The following EXOC6 variants were observed in gnomAD, a reference collection of about 807,000 sequenced individuals.
EXOC6 encodes the protein exocyst complex component 6, also known as SEC15-like 1.
Under a neutral mutation model 112.5 loss-of-function variants are expected in EXOC6, and 60 were observed. The observed-to-expected ratio is 0.53, with a 90% confidence interval of 0.43 to 0.66. The LOEUF (loss-of-function observed/expected upper bound fraction) is 0.66, where lower values mean the gene tolerates loss of function less well. Ranked by LOEUF, EXOC6 falls within the 30% of genes least tolerant of loss-of-function variation. The pLI is 0.00. For synonymous variants in EXOC6, 295 were observed against 308.0 expected (o/e 0.96, Z 0.44); for missense variants, 855 against 957.1 (o/e 0.89, Z 1.41).
intron 1 of EXOC6, among the ~76,000 whole-genome samples, chr10:92,861,562 T>A (rs1483886557): frequency 5.3e-5 from 8 of 152,090 alleles, no homozygotes. Context: ...GCAACACAGT[T>A]GGGGCAGGTG....
intron 1 of EXOC6, among the ~76,000 whole-genome samples, chr10:92,861,629 AAG>A (rs1412330512): frequency 3.3e-5 from 5 of 152,118 alleles, no homozygotes; most frequent in Non-Finnish European, 4.4e-5. Flanking sequence ...CCTGGCAGGA[AAG>A]AGAGCCCTGC....
At chr10:92,972,898 A>T (rs1842356740) in intron 17 of EXOC6, among the ~76,000 whole-genome samples, 1 of 152,164 alleles carries the variant, frequency 6.6e-6, no homozygotes, top group Non-Finnish European at 1.5e-5. Flanking sequence ...AGCCCTATGT[A>T]TGTATGTGGC....
At chr10:93,054,662 G>A (rs1338222793) in intron 20 of EXOC6, among the ~76,000 whole-genome samples, 1 of 152,228 alleles carries the variant, frequency 6.6e-6, no homozygotes, top group African/African-American at 2.4e-5. Context: ...CACAGTTGGA[G>A]TTGGTGCGGG....
At chr10:92,955,510 A>G in intron 16 of EXOC6, 70 bp from the exon 17 acceptor site, 1 of 1,274,072 alleles carries the variant, frequency 7.8e-7, no homozygotes, top group Non-Finnish European at 1.1e-6. Flanking sequence ...TAATAATCCC[A>G]TTTTTAAAAA....
intron 20 of EXOC6, among the ~76,000 whole-genome samples, chr10:93,016,873 C>T (rs902664799): frequency 1.1e-4 from 16 of 150,898 alleles, no homozygotes; most frequent in Admixed American, 2.0e-4. Flanking sequence ...AGTGCAGTGG[C>T]GCGATCTTGG....
chr10:93,023,291 A>C (rs1844871140), intron 20 of EXOC6, among the ~76,000 whole-genome samples: 1 of 152,174 alleles, frequency 6.6e-6, no homozygotes, highest in Non-Finnish European at 1.5e-5. Flanking sequence ...ACAAGAGGAA[A>C]GTTAGAACCA....
At chr10:92,920,342 A>C (rs1398094645) in intron 8 of EXOC6, among the ~76,000 whole-genome samples, 1 of 152,136 alleles carries the variant, frequency 6.6e-6, no homozygotes, top group African/African-American at 2.4e-5. Context: ...TTACATGTGT[A>C]TTCCATACTA....
chr10:92,858,018 G>A lies in EXOC6; in HGVS notation c.101+9384G>A, dbSNP rs908345474. Among the ~76,000 whole-genome samples, 5 of 121,396 alleles carry A rather than the reference G, an allele frequency of 4.1e-5. 1 individual carries two copies. Among genetic ancestry groups the A allele is most frequent in the African/African-American group, 6.3e-5 (2 of 31,936 alleles). 79.6% of individuals were successfully genotyped at this position (121,396 alleles called of 152,430 possible). On this transcript the variant is annotated intron_variant, in intron 1 of 21. Coordinates refer to ENST00000260762, the MANE Select transcript of EXOC6 (RefSeq NM_019053.6). Reference sequence around the variant, plus strand: ...ACCATATGTAAGATTTTTAGTTGACGGGTTCCCCCCCTCCGCCGGCCAGCA... The same window carrying A: ...ACCATATGTAAGATTTTTAGTTGACAGGTTCCCCCCCTCCGCCGGCCAGCA...
chr10:92,846,474 C>G (rs1847056796), upstream of EXOC6, among the ~76,000 whole-genome samples: 1 of 152,154 alleles, frequency 6.6e-6, no homozygotes, highest in Admixed American at 6.5e-5. Context: ...TAGGTGTGAG[C>G]CACTGTGCTC....
At chr10:92,962,506 C>T (rs1311986295) in intron 17 of EXOC6, among the ~76,000 whole-genome samples, 1 of 152,048 alleles carries the variant, frequency 6.6e-6, no homozygotes, top group Non-Finnish European at 1.5e-5. Context: ...CCTCCCACCT[C>T]AGCCTCCCAA....
At chr10:92,843,488 G>A (rs1163349078), upstream of EXOC6, among the ~76,000 whole-genome samples, 7 of 152,326 alleles carry the variant, frequency 4.6e-5, no homozygotes, top group East Asian at 1.3e-3. Context: ...AAAGTTTTGC[G>A]AGGATAATGA....
chr10:92,882,924 A>G (rs1328346928), intron 1 of EXOC6, among the ~76,000 whole-genome samples: 1 of 152,248 alleles, frequency 6.6e-6, no homozygotes, highest in African/African-American at 2.4e-5. Flanking sequence ...TCAGGTAGGA[A>G]CAAATAGAGT....
chr10:92,842,217 A>T (rs2246696), intron 1 of EXOC6, among the ~76,000 whole-genome samples: 1 of 151,712 alleles, frequency 6.6e-6, no homozygotes, highest in Non-Finnish European at 1.5e-5. Flanking sequence ...AAATTAGCCG[A>T]GTGTGGTGGT....
At chr10:92,861,533 C>A (rs945652361) in intron 1 of EXOC6, among the ~76,000 whole-genome samples, 1 of 151,992 alleles carries the variant, frequency 6.6e-6, no homozygotes, top group Non-Finnish European at 1.5e-5. Flanking sequence ...GCCATACTCA[C>A]CTTTTTTTTT....
chr10:93,011,256 G>A (rs1483257535), intron 19 of EXOC6, among the ~76,000 whole-genome samples: 2 of 151,156 alleles, frequency 1.3e-5, no homozygotes, highest in African/African-American at 4.9e-5. Flanking sequence ...ATGCTGGATG[G>A]TCCTAAGTAT....
intron 20 of EXOC6, among the ~76,000 whole-genome samples, chr10:93,046,008 A>T (rs1384974712): frequency 6.6e-6 from 1 of 152,248 alleles, no homozygotes; most frequent in East Asian, 1.9e-4. Flanking sequence ...AATTACTAGT[A>T]GTTTAGATGT....
intron 1 of EXOC6, among the ~76,000 whole-genome samples, chr10:92,886,993 C>G (rs1193771275): frequency 6.6e-6 from 1 of 152,152 alleles, no homozygotes; most frequent in Non-Finnish European, 1.5e-5. Context: ...AAGCCAGAAG[C>G]AGCAGACATG....
intron 4 of EXOC6, among the ~76,000 whole-genome samples, chr10:92,895,721 A>AT (rs1185893751): frequency 6.6e-6 from 1 of 151,324 alleles, no homozygotes; most frequent in Non-Finnish European, 1.5e-5. Flanking sequence ...TTTTTTAGGG[A>AT]TAAAGTCTCA....
intron 17 of EXOC6, among the ~76,000 whole-genome samples, chr10:92,971,840 A>T (rs1474610399): frequency 6.6e-6 from 1 of 152,082 alleles, no homozygotes; most frequent in Non-Finnish European, 1.5e-5. Flanking sequence ...TGTATTGGTC[A>T]TACTTTGTTT....
Sources: allele counts gnomAD v4.1 joint callset (sites outside exome capture counted in the v4.1 genomes callset), GRCh38; gene constraint gnomAD v4.1.1; transcripts MANE v1.5; gene names NCBI Gene and HGNC (gene_info 2026-07-23, HGNC 2026-07-21).